Variants in ALK observed in about 807,000 individuals in gnomAD.
The protein encoded by ALK is ALK receptor tyrosine kinase.
Under a neutral mutation model 163.1 loss-of-function variants are expected in ALK, and 74 were observed. That is an observed-to-expected ratio of 0.45 (90% CI 0.38 to 0.55). The LOEUF (loss-of-function observed/expected upper bound fraction) is 0.55, where lower values mean the gene tolerates loss of function less well. Ranked by LOEUF, ALK falls within the 20% of genes least tolerant of loss-of-function variation. The pLI, the probability that ALK is intolerant of heterozygous loss-of-function variation, is 0.00. For synonymous variants in ALK, 960 were observed against 843.2 expected (o/e 1.14, Z -2.40); for missense variants, 2,063 against 2,105.3 (o/e 0.98, Z 0.39).
At chr2:29,908,249 C>G (rs895061142) in intron 1 of ALK, among the ~76,000 whole-genome samples, 6 of 151,776 alleles carry the variant, frequency 4.0e-5, no homozygotes, top group Admixed American at 2.6e-4. Context: ...CACCTTAGAG[C>G]TCTCTGCTCT....
At chr2:29,790,593 T>C (rs896912217) in intron 1 of ALK, among the ~76,000 whole-genome samples, 12 of 152,144 alleles carry the variant, frequency 7.9e-5, no homozygotes, top group African/African-American at 2.4e-4. Context: ...ACACACAAAA[T>C]CTTTCTTTGA....
chr2:29,565,103 A>C (rs1278782815), intron 3 of ALK, among the ~76,000 whole-genome samples: 2 of 152,214 alleles, frequency 1.3e-5, no homozygotes, highest in African/African-American at 4.8e-5. Context: ...CTAATGTACA[A>C]CTCTAGGTGA....
chr2:29,585,623 C>T (rs991117492), intron 3 of ALK, among the ~76,000 whole-genome samples: 2 of 152,132 alleles, frequency 1.3e-5, no homozygotes, highest in African/African-American at 2.4e-5. Context: ...CCACTGTGCC[C>T]ACCCTGTCAA....
chr2:29,888,257 T>TTG (rs1667037968), intron 1 of ALK, among the ~76,000 whole-genome samples: 1 of 148,286 alleles, frequency 6.7e-6, no homozygotes, highest in Non-Finnish European at 1.5e-5. Context: ...TTTTTTTTTT[T>TTG]TTTTAAAAAA....
At chr2:29,495,594 T>C (rs1331249197) in intron 4 of ALK, among the ~76,000 whole-genome samples, 11 of 152,134 alleles carry the variant, frequency 7.2e-5, no homozygotes, top group Non-Finnish European at 1.6e-4. Flanking sequence ...CCTCAAATTA[T>C]CCAATTTGAA....
In ALK at chr2:29,627,059, G is replaced by A. The variant is rs116010746; in HGVS notation, c.952+67791C>T. 5.1e-3 allele frequency among the ~76,000 whole-genome samples: 773 copies of A among 152,306 alleles called. 8 individuals are homozygous for A. The highest frequency in any genetic ancestry group is 0.016 in the African/African-American group (680 of 41,572). ...GTTTCCAAAAGAGAAAGATGCCAGTGTTAGGTAATCATGCCCATCATCCCC... is the reference window on the plus strand; with the variant it reads ...GTTTCCAAAAGAGAAAGATGCCAGTATTAGGTAATCATGCCCATCATCCCC... On this transcript the variant is annotated intron_variant, in intron 3 of 28. Transcript: ENST00000389048.
At chr2:29,243,849 C>G (rs1664584933) in intron 12 of ALK, among the ~76,000 whole-genome samples, 1 of 152,138 alleles carries the variant, frequency 6.6e-6, no homozygotes, top group African/African-American at 2.4e-5. Context: ...TGCAGTGATT[C>G]CAATTTACTG....
At chr2:29,699,059 T>C (rs1558448202) in intron 2 of ALK, among the ~76,000 whole-genome samples, 2 of 152,214 alleles carry the variant, frequency 1.3e-5, no homozygotes, top group Admixed American at 6.5e-5. Context: ...AGACCTAGTG[T>C]GCTTCTTGAA....
intron 3 of ALK, among the ~76,000 whole-genome samples, chr2:29,651,583 A>C (rs1212558345): frequency 6.6e-6 from 1 of 152,194 alleles, no homozygotes; most frequent in African/African-American, 2.4e-5. Context: ...TTTTCTTTCC[A>C]AACTCTGAGA....
intron 1 of ALK, among the ~76,000 whole-genome samples, chr2:29,822,900 C>G (rs578200741): frequency 6.6e-6 from 1 of 152,126 alleles, no homozygotes; most frequent in Non-Finnish European, 1.5e-5. Context: ...CTTTTATTTC[C>G]GAATTCAATG....
chr2:29,673,544 T>G, intron 3 of ALK, among the ~76,000 whole-genome samples: 1 of 103,144 alleles, frequency 9.7e-6, no homozygotes. Flanking sequence ...TATATTTCTG[T>G]TTTGGTACCA....
chr2:29,193,588 G>A lies in ALK; in HGVS notation c.4499C>T (p.Thr1500Ile), dbSNP rs751170666. ...HKVHGSRNKP[T>I]SLWNPTYGSW... is the part of the protein sequence containing the mutation. ...GCCGTACGTTGGGTTCCACAAGCTGGTGGGCTTGTTTCTGGATCCGTGGAC... is the reference window on the plus strand; with the variant it reads ...GCCGTACGTTGGGTTCCACAAGCTGATGGGCTTGTTTCTGGATCCGTGGAC... The change falls in exon 29 of 29, where the codon ACC (threonine) becomes ATC (isoleucine). Residue 1500 changes from threonine (T) to isoleucine (I), a missense_variant. Around this residue, in one of 5 missense-constraint regions of ALK, gnomAD observed 403 missense variants for 366.2 expected, o/e 1.10. Coordinates refer to ENST00000389048, the MANE Select transcript of ALK (RefSeq NM_004304.5). The A allele has an allele frequency of 6.2e-7, 1 of 1,614,214 alleles. No homozygotes were observed. Among genetic ancestry groups the A allele is most frequent in the Non-Finnish European group, 8.5e-7 (1 of 1,180,022 alleles).
intron 3 of ALK, among the ~76,000 whole-genome samples, chr2:29,649,434 T>C (rs1676979505): frequency 6.6e-6 from 1 of 152,138 alleles, no homozygotes; most frequent in African/African-American, 2.4e-5. Flanking sequence ...TTGTTCTTTA[T>C]GAAAAATTCA....
chr2:29,499,353 T>C (rs547320579), intron 4 of ALK, among the ~76,000 whole-genome samples: 3 of 152,228 alleles, frequency 2.0e-5, no homozygotes, highest in South Asian at 2.1e-4. Flanking sequence ...TGCACCACCA[T>C]GCCCAGTTAA....
chr2:29,507,983 T>C (rs947359150), intron 4 of ALK, among the ~76,000 whole-genome samples: 7 of 152,150 alleles, frequency 4.6e-5, no homozygotes, highest in African/African-American at 1.4e-4. Flanking sequence ...TATTGGACAT[T>C]TCAAAATCCT....
intron 3 of ALK, among the ~76,000 whole-genome samples, chr2:29,601,164 C>T (rs1233121764): frequency 6.6e-6 from 1 of 152,192 alleles, no homozygotes; most frequent in African/African-American, 2.4e-5. Flanking sequence ...CAAATGGCCT[C>T]TGAAAGCAAT....
chr2:29,510,857 T>G (rs1352865855), intron 4 of ALK, among the ~76,000 whole-genome samples: 1 of 152,114 alleles, frequency 6.6e-6, no homozygotes. Context: ...AGGAAGGTGA[T>G]TCGTGAATCA....
intron 1 of ALK, among the ~76,000 whole-genome samples, chr2:29,888,047 G>T (rs1304380658): frequency 2.0e-5 from 3 of 152,148 alleles, no homozygotes; most frequent in African/African-American, 7.2e-5. Context: ...AGTCCAAAAA[G>T]CTAACTGTGA....
chr2:29,498,049 C>T (rs1444369218), intron 4 of ALK, among the ~76,000 whole-genome samples: 2 of 152,088 alleles, frequency 1.3e-5, no homozygotes, highest in Non-Finnish European at 2.9e-5. Context: ...TCTTCCTCTC[C>T]CCCACTCTCA....
Sources: allele counts gnomAD v4.1 joint callset (sites outside exome capture counted in the v4.1 genomes callset), GRCh38; gene constraint gnomAD v4.1.1; regional missense constraint gnomAD v4.1.1; transcripts MANE v1.5; gene names NCBI Gene and HGNC (gene_info 2026-07-23, HGNC 2026-07-21).